Variants in ATG2B observed in about 807,000 individuals in gnomAD.
ATG2B encodes the protein autophagy related 2B, also known as autophagy-related protein 2 homolog B.
In ATG2B, 121 loss-of-function variants were observed where a neutral mutation model predicts 241.3. The ratio of observed to expected loss-of-function variants is 0.50; its 90% confidence interval spans 0.43 to 0.58. The LOEUF is 0.58. Among genes scored for constraint, ATG2B ranks in the 20% least tolerant of loss-of-function variants. The pLI, the probability that ATG2B is intolerant of heterozygous loss-of-function variation, is 0.00. For synonymous variants in ATG2B, 858 were observed against 876.6 expected, an observed-to-expected ratio of 0.98 and a Z score of 0.37; for missense variants, 2,306 against 2,491.6, an observed-to-expected ratio of 0.93 and a Z score of 1.59.
At chr14:96,322,466 A>T in intron 17 of ATG2B, 74 bp downstream of exon 17, 1 of 1,458,636 alleles carries the variant, frequency 6.9e-7, no homozygotes, top group Admixed American at 2.5e-5. Context: ...TTTTTTAAAA[A>T]TAAAAAATCA....
intron 41 of ATG2B, among the ~76,000 whole-genome samples, chr14:96,288,312 A>G (rs1045505051): frequency 6.6e-6 from 1 of 152,212 alleles, no homozygotes; most frequent in Non-Finnish European, 1.5e-5. Context: ...GTAAGCACAC[A>G]TTTATTTTAA....
Position 96,305,745 on chromosome 14 carries a change from C to A in ATG2B, c.4577G>T (p.Ser1526Ile). 1 of 1,614,130 alleles carries A rather than the reference C, an allele frequency of 6.2e-7. No individual in the cohort carries two copies. Among genetic ancestry groups the A allele is most frequent in the Non-Finnish European group, 8.5e-7 (1 of 1,180,010 alleles). Reference sequence around the variant, plus strand: ...CGTATCGGTCTTATTAACGGGCAGACTGAAATAATTGTCTCTTATCACAAT... The same window carrying A: ...CGTATCGGTCTTATTAACGGGCAGAATGAAATAATTGTCTCTTATCACAAT... ...DAIVIRDNYF[S>I]LPVNKTDTSK... The change falls in exon 31 of 42, where the codon AGT becomes ATT. Residue 1526 changes from serine to isoleucine, a missense_variant. Ser to Ile is a moderately radical substitution (Grantham distance 142). Transcript: ENST00000359933.
At chr14:96,351,231 C>A (rs1395028872) in intron 1 of ATG2B, among the ~76,000 whole-genome samples, 2 of 152,152 alleles carry the variant, frequency 1.3e-5, no homozygotes, top group Non-Finnish European at 2.9e-5. Context: ...AGTATATTCA[C>A]CTATGGATGC....
intron 28 of ATG2B, among the ~76,000 whole-genome samples, chr14:96,310,022 C>T (rs1887106040): frequency 6.6e-6 from 1 of 152,180 alleles, no homozygotes; most frequent in Admixed American, 6.5e-5. Flanking sequence ...AGGGGGCACA[C>T]ACAGCAGGGG....
chr14:96,322,133 A>G lies in ATG2B; in HGVS notation c.2858T>C (p.Phe953Ser). 1 of 1,552,258 alleles carries G rather than the reference A, an allele frequency of 6.4e-7. No homozygotes were observed. The highest frequency in any genetic ancestry group is 1.2e-5 in the South Asian group (1 of 81,044). The change falls in exon 18 of 42, where the codon TTT becomes TCT. Residue 953 changes from phenylalanine (F) to serine (S), a missense_variant. Phe to Ser is a radical substitution (Grantham distance 155). Transcript: ENST00000359933. ...TCACCTATTATAAAGCTTCTCATAAAAGCTCTTATTAGGTAGTGTTACATA... is the reference window on the plus strand; with the variant it reads ...TCACCTATTATAAAGCTTCTCATAAGAGCTCTTATTAGGTAGTGTTACATA... ...NIYVTLPNKS[F>S]YEKLYNRIFN...
intron 5 of ATG2B, among the ~76,000 whole-genome samples, chr14:96,341,978 A>C (rs1326695985): frequency 2.0e-5 from 3 of 152,210 alleles, no homozygotes; most frequent in African/African-American, 4.8e-5. Flanking sequence ...CCTAATGGGC[A>C]CTGTATAATT....
chr14:96,299,816 G>C (rs964866356), intron 34 of ATG2B, among the ~76,000 whole-genome samples: 1 of 152,168 alleles, frequency 6.6e-6, no homozygotes, highest in Non-Finnish European at 1.5e-5. Context: ...TACTTAACAT[G>C]ATTCAATTAA....
In ATG2B at chr14:96,290,039, C is replaced by A; in HGVS notation, c.5857-234G>T. 5 of 1,049,252 alleles carry A rather than the reference C, an allele frequency of 4.8e-6. No individual in the cohort carries two copies. The highest frequency in any genetic ancestry group is 6.4e-6 in the Non-Finnish European group (5 of 782,570). The allele number at this position is 1,049,252 out of a possible 1,614,324, so 65.0% of individuals were successfully genotyped here. On this transcript the variant is annotated intron_variant, in intron 40 of 41. Coordinates refer to ENST00000359933, the MANE Select transcript of ATG2B (RefSeq NM_018036.7). The surrounding 1 kb of genome is among the most constrained non-coding windows in gnomAD (Gnocchi z 4.4). ...GATTGAGCTAAATTTTTAGCCCCTC[C>A]TCTGTTCACTGAGAACACTCAACAT...
Position 96,290,317 on chromosome 14 carries a change from G to T in ATG2B, c.5856+119C>A. On this transcript the variant is annotated intron_variant, in intron 40 of 41. Coordinates refer to ENST00000359933, the MANE Select transcript of ATG2B (RefSeq NM_018036.7). This position sits in a 1 kb window ranked among gnomAD's most constrained non-coding sequence, Gnocchi z 4.4. The stretch of plus-strand genomic sequence containing the variant: ...AACAAGCATGACATTAAATCACTAC[G>T]AATAAAGTATCTACTCACAACATTT... 1 of 1,347,620 alleles carries T rather than the reference G, an allele frequency of 7.4e-7. No homozygotes were observed. The highest frequency in any genetic ancestry group is 1.0e-6 in the Non-Finnish European group (1 of 996,874). 83.5% of individuals were successfully genotyped at this position (1,347,620 alleles called of 1,614,324 possible).
At chr14:96,318,600 A>ACT (rs1168503911) in intron 18 of ATG2B, among the ~76,000 whole-genome samples, 3 of 152,180 alleles carry the variant, frequency 2.0e-5, no homozygotes, top group African/African-American at 7.2e-5. Context: ...AGCAAAAAAT[A>ACT]AGGAGAGAAA....
At chr14:96,325,523 G>C (rs563008407) in intron 15 of ATG2B, 126 bp downstream of exon 15, 12 of 887,600 alleles carry the variant, frequency 1.4e-5, no homozygotes, top group East Asian at 1.3e-4. Flanking sequence ...TGTTGCTGTT[G>C]ATTTTAACAT....
rs1420866347 is a variant in ATG2B at position 96,281,011 on chromosome 14, A to T, written c.*4744T>A. ...GGAGGTGTGTTTGCTGCAAGTCCTT[A>T]TTGCAGGGATAGGATAACTAATAGA... is the stretch of plus-strand genomic sequence containing the variant. On this transcript the variant is annotated 3_prime_UTR_variant, in exon 42 of 42. Coordinates refer to ENST00000359933, the MANE Select transcript of ATG2B (RefSeq NM_018036.7). The T allele has an allele frequency of 1.3e-5, 2 of 152,236 alleles. No individual in the cohort carries two copies. Among genetic ancestry groups the T allele is most frequent in the Non-Finnish European group, 2.9e-5 (2 of 68,046 alleles). The allele number at this position is 152,236 out of a possible 1,614,324, so 9.4% of individuals were successfully genotyped here.
intron 3 of ATG2B, 57 bp downstream of exon 3, chr14:96,345,176 A>C: frequency 7.2e-7 from 1 of 1,388,468 alleles, no homozygotes; most frequent in Non-Finnish European, 9.9e-7. Flanking sequence ...TATTACATGA[A>C]GGTACAAAAC....
At position 96,323,173 on chromosome 14, in the gene ATG2B, A is replaced by G. The variant is rs1887502689; in HGVS notation, c.2541-438T>C. 2.0e-5 allele frequency among the ~76,000 whole-genome samples: 3 copies of G among 152,212 alleles called. No homozygotes were observed. The South Asian group carries it at 6.2e-4, about 31-fold the overall frequency. The stretch of plus-strand genomic sequence containing the variant: ...AGGGAAAAGGGAGAAGCTGATTAGG[A>G]AACAGTTTCAAAACTCTAACAACAA... On this transcript the variant is annotated intron_variant, in intron 16 of 41. Coordinates refer to ENST00000359933, the MANE Select transcript of ATG2B (RefSeq NM_018036.7).
In ATG2B at chr14:96,285,494, G is replaced by C. The variant is rs1172626883; in HGVS notation, c.*261C>G. 7 of 483,958 alleles carry C rather than the reference G, an allele frequency of 1.4e-5. No individual in the cohort carries two copies. The highest frequency in any genetic ancestry group is 1.0e-4 in the Admixed American group (3 of 29,602). 30.0% of individuals were successfully genotyped at this position (483,958 alleles called of 1,614,324 possible). On this transcript the variant is annotated 3_prime_UTR_variant, in exon 42 of 42. Coordinates refer to ENST00000359933, the MANE Select transcript of ATG2B (RefSeq NM_018036.7). This position sits in a 1 kb window ranked among gnomAD's most constrained non-coding sequence, Gnocchi z 4.2. ...GAGAATTACAGTCATCTTAACAAAA[G>C]TGAGCCTTCCACTAACTTGGCAGCA...
At position 96,308,272 on chromosome 14, in the gene ATG2B, A is replaced by ATG. The variant is rs1566719933; in HGVS notation, c.4303+1180_4303+1181insCA. On this transcript the variant is annotated intron_variant, in intron 29 of 41. Coordinates refer to ENST00000359933, the MANE Select transcript of ATG2B (RefSeq NM_018036.7). ...TATATACACACATATATATATATAT[A>ATG]TATATATATATTTTTTTTTTTTTTT... Among the ~76,000 whole-genome samples, 79 of 25,860 alleles carry ATG rather than the reference A, an allele frequency of 3.1e-3. 1 individual carries two copies. Among genetic ancestry groups the ATG allele is most frequent in the African/African-American group, 0.013 (53 of 4,148 alleles). 17.0% of individuals were successfully genotyped at this position (25,860 alleles called of 152,430 possible).
At chr14:96,291,121 C>G (rs1375678627) in intron 38 of ATG2B, among the ~76,000 whole-genome samples, 186 bp from the exon 39 acceptor site, 1 of 152,070 alleles carries the variant, frequency 6.6e-6, no homozygotes, top group East Asian at 1.9e-4. Flanking sequence ...AACTCACAAC[C>G]TGAATTTCTC....
rs1258998782 is a variant in ATG2B, at chr14:96,317,691, A to G, written c.3037+7T>C. ...TTTTAAATCAAAACAAATTAAAAAT[A>G]TATTACCATAGTGAACTGCAGATTT... On this transcript the variant is annotated splice_region_variant and intron_variant, in intron 19 of 41. Coordinates refer to ENST00000359933, the MANE Select transcript of ATG2B (RefSeq NM_018036.7). The G allele has an allele frequency of 6.3e-7, 1 of 1,581,412 alleles. No individual in the cohort carries two copies. Among genetic ancestry groups the G allele is most frequent in the Non-Finnish European group, 8.6e-7 (1 of 1,159,722 alleles).
At chr14:96,325,584 G>T in intron 15 of ATG2B, 65 bp downstream of exon 15, 1 of 1,460,504 alleles carries the variant, frequency 6.8e-7, no homozygotes, top group Non-Finnish European at 9.3e-7. Flanking sequence ...CTTTTGTGAT[G>T]TTAAGTTTCA....
Sources: gnomAD v4.1 joint callset for allele counts (sites outside exome capture counted in the v4.1 genomes callset) on GRCh38, gnomAD v4.1.1 for gene constraint, Gnocchi (gnomAD v3.1) non-coding constraint, MANE v1.5 for transcripts, NCBI Gene and HGNC (gene_info 2026-07-23, HGNC 2026-07-21) for gene names.